SNX29: variants seen among roughly 807,000 people sequenced by gnomAD.
The protein encoded by SNX29 is sorting nexin-29.
Under a neutral mutation model 102.1 loss-of-function variants are expected in SNX29, and 78 were observed. The observed-to-expected ratio is 0.76, with a 90% CI of 0.64 to 0.92. The LOEUF is 0.92. SNX29 is among the 40% of genes least tolerant of loss of function. SNX29 has a pLI of 0.00. For synonymous variants in SNX29, 580 were observed against 414.5 expected (o/e 1.40, Z -4.85); for missense variants, 1,280 against 1,061.7 (o/e 1.21, Z -2.86).
intron 14 of SNX29, among the ~76,000 whole-genome samples, chr16:12,225,891 T>C (rs1460439704): frequency 3.3e-5 from 5 of 152,210 alleles, no homozygotes; most frequent in Non-Finnish European, 7.3e-5. Context: ...CTAGAGTTAC[T>C]GAAGAGGCTC....
chr16:12,441,097 T>C (rs1277661503), intron 18 of SNX29, among the ~76,000 whole-genome samples: 2 of 149,380 alleles, frequency 1.3e-5, no homozygotes, highest in Admixed American at 6.7e-5. Context: ...TCCTTTTTTT[T>C]TTTTTTTTTT....
chr16:12,289,982 T>C lies in SNX29; in HGVS notation c.1782+11946T>C, dbSNP rs2079736997. Among the ~76,000 whole-genome samples, 4 of 152,126 alleles carry C rather than the reference T, an allele frequency of 2.6e-5. No individual in the cohort carries two copies. The South Asian group carries it at 6.3e-4, about 24-fold the overall frequency. On this transcript the variant is annotated intron_variant, in intron 15 of 20. Transcript: ENST00000566228. ...AACATAAAGGGCTCGTCACTGGCAG[T>C]GTGGAGCTGGAGAAACGGGATACAG... is the stretch of plus-strand genomic sequence containing the variant.
chr16:12,541,109 T>G (rs755018391), intron 20 of SNX29, among the ~76,000 whole-genome samples: 39 of 152,204 alleles, frequency 2.6e-4, no homozygotes, highest in Non-Finnish European at 4.9e-4. Flanking sequence ...GTTTGAAAGC[T>G]GACTTGGAGG....
chr16:12,125,055 C>T (rs540654414), intron 11 of SNX29, among the ~76,000 whole-genome samples: 2 of 152,192 alleles, frequency 1.3e-5, no homozygotes, highest in Admixed American at 1.3e-4. Flanking sequence ...ATTACATGTT[C>T]GGGAGCTCCT....
At chr16:12,473,139 G>T (rs983770961) in intron 18 of SNX29, among the ~76,000 whole-genome samples, 5 of 152,084 alleles carry the variant, frequency 3.3e-5, no homozygotes, top group Admixed American at 3.3e-4. Flanking sequence ...AACAATTTTG[G>T]GCCTAAGCCC....
At chr16:12,131,581 T>C (rs1166633881) in intron 13 of SNX29, among the ~76,000 whole-genome samples, 1 of 152,256 alleles carries the variant, frequency 6.6e-6, no homozygotes. Context: ...ATTGGAATGA[T>C]GAATTTAATA....
At chr16:12,568,045 C>A (rs901160011) in intron 20 of SNX29, among the ~76,000 whole-genome samples, 6 of 152,254 alleles carry the variant, frequency 3.9e-5, no homozygotes, top group African/African-American at 1.2e-4. Context: ...TAGCCTAGGG[C>A]CTGATTATTT....
At chr16:12,287,031 C>T (rs571161636) in intron 15 of SNX29, among the ~76,000 whole-genome samples, 1 of 152,294 alleles carries the variant, frequency 6.6e-6, no homozygotes, top group African/African-American at 2.4e-5. Flanking sequence ...TAGGGGGCCC[C>T]TGGCTCACTC....
At chr16:12,038,376 G>A (rs72784623) in intron 4 of SNX29, among the ~76,000 whole-genome samples, 56,688 of 151,952 alleles carry the variant, frequency 0.37, 11,111 homozygotes, top group Middle Eastern at 0.44. Flanking sequence ...TGCTGTTAGT[G>A]TCCTCTGTTA....
intron 1 of SNX29, among the ~76,000 whole-genome samples, chr16:11,984,781 T>C (rs890750514): frequency 6.6e-6 from 1 of 152,052 alleles, no homozygotes; most frequent in Non-Finnish European, 1.5e-5. Flanking sequence ...CTCAGCCTCC[T>C]GAGTAGCTAG....
At chr16:12,178,959 G>T (rs1249645986) in intron 13 of SNX29, among the ~76,000 whole-genome samples, 2 of 152,186 alleles carry the variant, frequency 1.3e-5, no homozygotes, top group African/African-American at 4.8e-5. Flanking sequence ...ATGTATCCCT[G>T]AGATGCTTTG....
rs1311172483 is a variant in SNX29 at position 12,573,186 on chromosome 16, G to C, written c.*4557G>C. The C allele has an allele frequency of 4.4e-6, 1 of 225,998 alleles. No individual in the cohort carries two copies. Among genetic ancestry groups the C allele is most frequent in the Non-Finnish European group, 8.8e-6 (1 of 113,724 alleles). The allele number at this position is 225,998 out of a possible 1,614,324, so 14.0% of individuals were successfully genotyped here. A position where few individuals can be genotyped will look rare whatever the true frequency, so the allele number is the denominator to read the frequency against. The stretch of plus-strand genomic sequence containing the variant: ...ATAGAAGTAAGGGTGTAGCCATCCA[G>C]GGTCTCCCGGCTCTAGGCAGACCGG... On this transcript the variant is annotated 3_prime_UTR_variant, in exon 21 of 21. Transcript: ENST00000566228.
At chr16:12,398,180 G>A (rs560018797) in intron 16 of SNX29, among the ~76,000 whole-genome samples, 6 of 152,192 alleles carry the variant, frequency 3.9e-5, no homozygotes, top group East Asian at 3.9e-4. Context: ...GCTCTTACAT[G>A]CCTGTGATTA....
intron 20 of SNX29, among the ~76,000 whole-genome samples, chr16:12,552,771 A>G (rs899227859): frequency 1.3e-5 from 2 of 152,228 alleles, no homozygotes; most frequent in Non-Finnish European, 2.9e-5. Flanking sequence ...GTATGAATTC[A>G]TCTCAGCTCT....
At chr16:12,146,818 A>G (rs1450664877) in intron 13 of SNX29, among the ~76,000 whole-genome samples, 2 of 152,254 alleles carry the variant, frequency 1.3e-5, no homozygotes, top group Non-Finnish European at 2.9e-5. Flanking sequence ...ATTTAAAATA[A>G]TGGGAGCACC....
intron 20 of SNX29, among the ~76,000 whole-genome samples, chr16:12,563,321 A>T (rs66671756): frequency 0.25 from 37,304 of 151,918 alleles, 4,970 homozygotes; most frequent in East Asian, 0.51. Context: ...GACTGGAGAG[A>T]GTCACCGTCG....
intron 20 of SNX29, chr16:12,546,465 A>C (rs2077611712): frequency 6.6e-6 from 1 of 152,210 alleles, no homozygotes; most frequent in Non-Finnish European, 1.5e-5. Flanking sequence ...TGAAACCATC[A>C]CATTCACTGT....
chr16:12,350,696 A>C (rs553965543), intron 15 of SNX29, among the ~76,000 whole-genome samples: 9 of 152,268 alleles, frequency 5.9e-5, no homozygotes, highest in African/African-American at 2.2e-4. Context: ...GAATGGCCCA[A>C]CTGCCGTTCA....
rs2079187442 is a variant in SNX29 at position 12,571,528 on chromosome 16, A to ACCAC, written c.*2902_*2905dup. 2.4e-6 allele frequency: 2 copies of ACCAC among 821,702 alleles called. No homozygotes were observed. Among genetic ancestry groups the ACCAC allele is most frequent in the African/African-American group, 3.6e-5 (2 of 56,002 alleles). The allele number at this position is 821,702 out of a possible 1,614,324, so 50.9% of individuals were successfully genotyped here. Reference sequence around the variant, plus strand: ...CTCTCAAGGGCCTTGGATTCCTGGGACCACCCTTTGCTGGGAGGAAGAATC... The same window carrying ACCAC: ...CTCTCAAGGGCCTTGGATTCCTGGGACCACCCACCCTTTGCTGGGAGGAAGAATC... On this transcript the variant is annotated 3_prime_UTR_variant, in exon 21 of 21. Coordinates refer to ENST00000566228, the MANE Select transcript of SNX29 (RefSeq NM_032167.5).
Sources: allele counts gnomAD v4.1 joint callset (sites outside exome capture counted in the v4.1 genomes callset), GRCh38; gene constraint gnomAD v4.1.1; transcripts MANE v1.5; gene names NCBI Gene and HGNC (gene_info 2026-07-23, HGNC 2026-07-21).